The following ENPEP variants were observed in gnomAD, a reference collection of about 807,000 sequenced individuals.
The protein encoded by ENPEP is glutamyl aminopeptidase, also known as AP-A.
A neutral mutation model predicts 114.5 loss-of-function variants in ENPEP; 103 were observed. The ratio of observed to expected loss-of-function variants is 0.90; its 90% CI spans 0.77 to 1.06. The LOEUF (loss-of-function observed/expected upper bound fraction) is 1.06, where lower values mean the gene tolerates loss of function less well. Ranked by LOEUF, ENPEP falls within the 50% of genes least tolerant of loss-of-function variation. The probability of loss-of-function intolerance (pLI) is 0.00; values close to 1 mark genes in which losing one functional copy is unlikely to be tolerated. For missense variants in ENPEP, 1,196 were observed against 1,161.3 expected (o/e 1.03, Z -0.43); for synonymous variants, 420 against 422.0 (o/e 1.00, Z 0.06).
intron 3 of ENPEP, among the ~76,000 whole-genome samples, chr4:110,492,017 G>A (rs1402388384): frequency 6.6e-6 from 1 of 152,038 alleles, no homozygotes; most frequent in African/African-American, 2.4e-5. Flanking sequence ...CACCGAGCCT[G>A]GCCCAATCGT....
rs764162044 is a variant in ENPEP, at chr4:110,564,304, AC to A, written c.*2747del. The A allele has an allele frequency of 3.9e-5, 6 of 152,162 alleles. No individual in the cohort carries two copies. The East Asian group carries it at 9.6e-4, about 24-fold the overall frequency. 9.4% of individuals were successfully genotyped at this position (152,162 alleles called of 1,614,324 possible). On this transcript the variant is annotated 3_prime_UTR_variant, in exon 20 of 20. Coordinates refer to ENST00000265162, the MANE Select transcript of ENPEP (RefSeq NM_001977.4). ...CCCAGGCAGTTTATCACTCTAATCT[AC>A]ATTTTAATCTGTATTAGAGTAAAAA...
chr4:110,515,874 G>A lies in ENPEP; in HGVS notation c.1509+432G>A, dbSNP rs1415762492. ...TTGCAGATGGTAGACTTCCCACTGT[G>A]TCCTCATAGCAGAGAGAGAGAGAGG... On this transcript the variant is annotated intron_variant, in intron 8 of 19. Transcript: ENST00000265162. 1.3e-5 allele frequency: 6 copies of A among 454,286 alleles called. No individual in the cohort carries two copies. In the East Asian group the frequency reaches 4.2e-4, roughly 32 times the overall value. The allele number at this position is 454,286 out of a possible 1,614,324, so 28.1% of individuals were successfully genotyped here. A position where few individuals can be genotyped will look rare whatever the true frequency, so the allele number is the denominator to read the frequency against.
At chr4:110,490,139 G>A (rs1288620160) in intron 2 of ENPEP, among the ~76,000 whole-genome samples, 1 of 152,156 alleles carries the variant, frequency 6.6e-6, no homozygotes, top group African/African-American at 2.4e-5. Flanking sequence ...TCACTGTGCA[G>A]AGTTACACTT....
At position 110,531,109 on chromosome 4, in the gene ENPEP, A is replaced by G. The variant is rs972362691; in HGVS notation, c.1728-89A>G. 5.2e-6 allele frequency: 4 copies of G among 776,658 alleles called. No homozygotes were observed. In the African/African-American group the frequency reaches 7.1e-5, roughly 14 times the overall value. 48.1% of individuals were successfully genotyped at this position (776,658 alleles called of 1,614,324 possible). A position where few individuals can be genotyped will look rare whatever the true frequency, so the allele number is the denominator to read the frequency against. ...AGATAATCATTTAAAAGAAAAATATACTTGTCTATTGCTTTTTAGTGATTT... is the reference window on the plus strand; with the variant it reads ...AGATAATCATTTAAAAGAAAAATATGCTTGTCTATTGCTTTTTAGTGATTT... On this transcript the variant is annotated intron_variant, in intron 10 of 19. Coordinates refer to ENST00000265162, the MANE Select transcript of ENPEP (RefSeq NM_001977.4).
chr4:110,508,810 CAA>C (rs927322158), intron 4 of ENPEP, among the ~76,000 whole-genome samples: 1 of 149,956 alleles, frequency 6.7e-6, no homozygotes, highest in African/African-American at 2.5e-5. Context: ...GACTCTGTCT[CAA>C]AAAAAAAGAA....
At chr4:110,529,796 G>A (rs1013372489) in intron 10 of ENPEP, among the ~76,000 whole-genome samples, 8 of 152,156 alleles carry the variant, frequency 5.3e-5, no homozygotes, top group Non-Finnish European at 1.2e-4. Context: ...AAAGGGGGCC[G>A]GGCACAGTGG....
At chr4:110,507,718 G>GT (rs1725422831) in intron 4 of ENPEP, among the ~76,000 whole-genome samples, 1 of 152,226 alleles carries the variant, frequency 6.6e-6, no homozygotes, top group Non-Finnish European at 1.5e-5. Context: ...GCTCACGCCT[G>GT]TAATCCCAAC....
intron 1 of ENPEP, 128 bp from the exon 2 acceptor site, chr4:110,488,413 G>C (rs1262218858): frequency 4.8e-6 from 6 of 1,237,472 alleles, no homozygotes; most frequent in Non-Finnish European, 6.3e-6. Context: ...CTTCTAGATG[G>C]AACCTCATTT....
At chr4:110,511,311 T>C (rs1041374156) in intron 6 of ENPEP, among the ~76,000 whole-genome samples, 12 of 152,204 alleles carry the variant, frequency 7.9e-5, no homozygotes, top group African/African-American at 2.9e-4. Flanking sequence ...GAGTAGATAA[T>C]TCTTTTTTTG....
At chr4:110,525,501 C>T (rs1578407971) in intron 10 of ENPEP, among the ~76,000 whole-genome samples, 1 of 152,342 alleles carries the variant, frequency 6.6e-6, no homozygotes, top group East Asian at 1.9e-4. Flanking sequence ...CCCACGTGTC[C>T]TCTAATCTCC....
chr4:110,538,437 C>T (rs944701262), intron 11 of ENPEP, among the ~76,000 whole-genome samples: 2 of 152,232 alleles, frequency 1.3e-5, no homozygotes, highest in African/African-American at 4.8e-5. Flanking sequence ...CCTCACCTCT[C>T]TCAGGCTTCA....
intron 1 of ENPEP, among the ~76,000 whole-genome samples, chr4:110,482,837 C>T (rs1241726815): frequency 6.6e-6 from 1 of 152,030 alleles, no homozygotes; most frequent in African/African-American, 2.4e-5. Flanking sequence ...GGTGAAACCC[C>T]GCCTCTACTA....
chr4:110,502,197 C>T (rs1026594708), intron 3 of ENPEP, among the ~76,000 whole-genome samples: 37 of 152,150 alleles, frequency 2.4e-4, no homozygotes, highest in African/African-American at 8.7e-4. Context: ...TAGTTGGATG[C>T]ATAGTTTGCA....
chr4:110,520,399 G>A, intron 10 of ENPEP, 33 bp downstream of exon 10: 2 of 1,606,386 alleles, frequency 1.2e-6, no homozygotes, highest in Admixed American at 1.7e-5. Flanking sequence ...AAAAAACACA[G>A]AAATTTGGCA....
intron 11 of ENPEP, 147 bp downstream of exon 11, chr4:110,531,424 T>A: frequency 3.5e-6 from 2 of 570,108 alleles, no homozygotes; most frequent in Non-Finnish European, 5.2e-6. Flanking sequence ...ATTCCAAATC[T>A]TCATCTACAA....
intron 3 of ENPEP, among the ~76,000 whole-genome samples, chr4:110,496,197 A>C (rs1724930097): frequency 6.6e-6 from 1 of 152,180 alleles, no homozygotes; most frequent in African/African-American, 2.4e-5. Context: ...CTGAAGGCAG[A>C]GTATGTATGT....
intron 13 of ENPEP, among the ~76,000 whole-genome samples, chr4:110,546,351 G>A (rs1053697418): frequency 4.0e-5 from 6 of 151,530 alleles, no homozygotes; most frequent in Non-Finnish European, 8.8e-5. Context: ...AGTTTTTGTT[G>A]TTTTTTGTTT....
chr4:110,540,051 C>T (rs888947627), intron 11 of ENPEP, among the ~76,000 whole-genome samples: 1 of 152,042 alleles, frequency 6.6e-6, no homozygotes, highest in Non-Finnish European at 1.5e-5. Context: ...CTAGAAAGAG[C>T]TCCTACTCAG....
Position 110,557,877 on chromosome 4 carries a change from A to G in ENPEP, c.2643-1770A>G, listed in dbSNP as rs1727533245. Among the ~76,000 whole-genome samples the G allele has an allele frequency of 1.3e-5, 2 of 152,004 alleles. 1 individual carries two copies. Among genetic ancestry groups the G allele is most frequent in the South Asian group, 4.2e-4 (2 of 4,818 alleles). ...CATTTTATTCTTTTCCCATTGGTAC[A>G]TTTTCATTCCTTTGCTAAATTCATG... On this transcript the variant is annotated intron_variant, in intron 18 of 19. Transcript: ENST00000265162.
Sources: gnomAD v4.1 joint callset for allele counts (sites outside exome capture counted in the v4.1 genomes callset) on GRCh38, gnomAD v4.1.1 for gene constraint, MANE v1.5 for transcripts, NCBI Gene and HGNC (gene_info 2026-07-23, HGNC 2026-07-21) for gene names.